SYN3: variants seen among roughly 807,000 people sequenced by gnomAD.
SYN3 encodes the protein synapsin-3.
SYN3 carries 35 observed loss-of-function variants against 65.8 expected under a neutral mutation model. The ratio of observed to expected loss-of-function variants is 0.53; its 90% CI spans 0.41 to 0.70. SYN3 has a LOEUF of 0.70. Among genes scored for constraint, SYN3 ranks in the 30% least tolerant of loss-of-function variants. SYN3 has a pLI of 0.00. For synonymous variants in SYN3, 270 were observed against 292.9 expected, an observed-to-expected ratio of 0.92 and a Z score of 0.80; for missense variants, 680 against 749.0, an observed-to-expected ratio of 0.91 and a Z score of 1.08.
chr22:32,791,298 A>G (rs986387142), intron 6 of SYN3, among the ~76,000 whole-genome samples: 4 of 152,130 alleles, frequency 2.6e-5, no homozygotes, highest in African/African-American at 9.7e-5. Flanking sequence ...TAGGGATTCA[A>G]TTTACGCTTA....
intron 7 of SYN3, among the ~76,000 whole-genome samples, chr22:32,589,068 G>A (rs1025211214): frequency 6.6e-6 from 1 of 152,204 alleles, no homozygotes; most frequent in African/African-American, 2.4e-5. Flanking sequence ...ACTGCCCCGA[G>A]CTCCTATTCT....
chr22:32,938,300 G>C (rs11089596), intron 3 of SYN3, among the ~76,000 whole-genome samples: 1 of 151,858 alleles, frequency 6.6e-6, no homozygotes, highest in Non-Finnish European at 1.5e-5. Context: ...AGGCCGAGGC[G>C]GGTGGATCAC....
intron 6 of SYN3, among the ~76,000 whole-genome samples, chr22:32,818,284 A>G (rs1314731449): frequency 6.6e-6 from 1 of 152,172 alleles, no homozygotes; most frequent in Non-Finnish European, 1.5e-5. Flanking sequence ...TGCTGGGCAA[A>G]GCAAGGACGG....
chr22:32,781,186 T>C lies in SYN3; in HGVS notation c.711+83729A>G, dbSNP rs1190169412. ...AACTACCAAGACCTGCAAGGCTCAA[T>C]AGCTCGTAGTCTTGTCCAAGGTTCC... On this transcript the variant is annotated intron_variant, in intron 6 of 13. Transcript: ENST00000358763. Among the ~76,000 whole-genome samples the C allele has an allele frequency of 5.3e-5, 8 of 151,796 alleles. No homozygotes were observed. In the East Asian group the frequency reaches 1.6e-3, roughly 29 times the overall value.
At chr22:32,979,899 C>A (rs1302940362) in intron 3 of SYN3, among the ~76,000 whole-genome samples, 1 of 152,068 alleles carries the variant, frequency 6.6e-6, no homozygotes, top group Non-Finnish European at 1.5e-5. Context: ...GAGTATGGCT[C>A]CAGAACCTAT....
intron 3 of SYN3, among the ~76,000 whole-genome samples, chr22:32,968,171 A>C (rs1481516416): frequency 6.6e-6 from 1 of 152,180 alleles, no homozygotes; most frequent in Non-Finnish European, 1.5e-5. Context: ...AAAATAGGTC[A>C]TCTCTTCTCC....
At chr22:32,640,322 C>G (rs2059877986) in intron 6 of SYN3, among the ~76,000 whole-genome samples, 1 of 152,224 alleles carries the variant, frequency 6.6e-6, no homozygotes, top group Non-Finnish European at 1.5e-5. Flanking sequence ...TTATTGTGTA[C>G]TCAGAATCGA....
intron 4 of SYN3, among the ~76,000 whole-genome samples, chr22:32,928,826 T>C (rs1394365290): frequency 6.6e-6 from 1 of 152,242 alleles, no homozygotes; most frequent in African/African-American, 2.4e-5. Flanking sequence ...TAACAGTCTT[T>C]CCTGCACCTC....
intron 6 of SYN3, among the ~76,000 whole-genome samples, chr22:32,710,506 G>A (rs1476390007): frequency 6.6e-6 from 1 of 151,854 alleles, no homozygotes; most frequent in Non-Finnish European, 1.5e-5. Context: ...GGTGGCACAT[G>A]CCTGTAATCC....
chr22:32,716,699 T>G (rs552494507), intron 6 of SYN3, among the ~76,000 whole-genome samples: 1 of 151,470 alleles, frequency 6.6e-6, no homozygotes, highest in South Asian at 2.1e-4. Context: ...CCCGGCTAAT[T>G]TTTTGTGGAG....
intron 7 of SYN3, among the ~76,000 whole-genome samples, chr22:32,585,982 GTATGTATA>G (rs2059024669): frequency 1.2e-5 from 1 of 81,452 alleles, no homozygotes; most frequent in Non-Finnish European, 3.0e-5. Flanking sequence ...ATGTATATAT[GTATGTATA>G]CGTATATATG....
chr22:32,759,044 C>G (rs1294742675), intron 6 of SYN3, among the ~76,000 whole-genome samples: 1 of 152,028 alleles, frequency 6.6e-6, no homozygotes, highest in Non-Finnish European at 1.5e-5. Context: ...AAGATTTACT[C>G]ATAAGATTAT....
intron 6 of SYN3, among the ~76,000 whole-genome samples, chr22:32,761,901 C>T (rs138815799): frequency 1.3e-5 from 2 of 152,198 alleles, no homozygotes; most frequent in African/African-American, 2.4e-5. Flanking sequence ...TTGTCGGATA[C>T]GGGATGGGGA....
intron 6 of SYN3, among the ~76,000 whole-genome samples, chr22:32,704,463 A>G (rs1336474749): frequency 1.3e-5 from 2 of 152,194 alleles, no homozygotes; most frequent in African/African-American, 4.8e-5. Flanking sequence ...CCAGTCTACC[A>G]CTGATGGGCA....
At chr22:32,764,242 G>A (rs1219742439) in intron 6 of SYN3, among the ~76,000 whole-genome samples, 1 of 152,034 alleles carries the variant, frequency 6.6e-6, no homozygotes, top group South Asian at 2.1e-4. Context: ...TGTGCCTGGC[G>A]AAGACCCCAT....
At chr22:32,575,403 C>T (rs1050538687) in intron 7 of SYN3, among the ~76,000 whole-genome samples, 8 of 151,736 alleles carry the variant, frequency 5.3e-5, no homozygotes, top group Middle Eastern at 3.2e-3. Context: ...CGTGTTCTGG[C>T]GAGGGAGTGG....
intron 3 of SYN3, among the ~76,000 whole-genome samples, chr22:32,954,335 C>T (rs564703928): frequency 1.3e-5 from 2 of 152,282 alleles, no homozygotes; most frequent in African/African-American, 2.4e-5. Context: ...CTCTCCCCAC[C>T]TCCAGAGCTT....
intron 4 of SYN3, among the ~76,000 whole-genome samples, chr22:32,873,174 C>T (rs1247280192): frequency 6.6e-6 from 1 of 152,150 alleles, no homozygotes; most frequent in African/African-American, 2.4e-5. Context: ...TAGTTTCAAA[C>T]TCCTGACCTC....
chr22:32,567,635 G>A (rs1332771721), intron 7 of SYN3, among the ~76,000 whole-genome samples: 4 of 152,098 alleles, frequency 2.6e-5, no homozygotes, highest in Admixed American at 6.5e-5. Flanking sequence ...CTGTGTGGTC[G>A]GGGAGAGGGT....
Sources: allele counts gnomAD v4.1 joint callset (sites outside exome capture counted in the v4.1 genomes callset), GRCh38; gene constraint gnomAD v4.1.1; transcripts MANE v1.5; gene names NCBI Gene and HGNC (gene_info 2026-07-23, HGNC 2026-07-21).